Variants in NIBAN2 observed in about 807,000 individuals in gnomAD.
The protein encoded by NIBAN2 is protein Niban 2.
NIBAN2 carries 36 observed loss-of-function variants against 81.8 expected under a neutral mutation model. That is an observed-to-expected ratio of 0.44 (90% CI 0.34 to 0.58). The LOEUF (loss-of-function observed/expected upper bound fraction) is 0.58. NIBAN2 is among the 20% of genes least tolerant of loss of function. NIBAN2 has a pLI of 0.02. For missense variants in NIBAN2, 897 were observed against 1,014.1 expected, an observed-to-expected ratio of 0.88 and a Z score of 1.57; for synonymous variants, 445 against 441.6, an observed-to-expected ratio of 1.01 and a Z score of -0.10.
chr9:127,567,339 T>G (rs2132241475), intron 1 of NIBAN2, among the ~76,000 whole-genome samples: 1 of 152,328 alleles, frequency 6.6e-6, no homozygotes, highest in South Asian at 2.1e-4. Flanking sequence ...GACTCCGCCC[T>G]GGCCCTTCCT....
rs1226099735 is a variant in NIBAN2, at chr9:127,506,560, G to T, written c.*285C>A. 6.0e-6 allele frequency: 2 copies of T among 335,174 alleles called. No homozygotes were observed. 20.8% of individuals were successfully genotyped at this position (335,174 alleles called of 1,614,324 possible). On this transcript the variant is annotated 3_prime_UTR_variant, in exon 14 of 14. Transcript: ENST00000373312. ...GCCACAGAAGGACAGGAAGGGAGGG[G>T]CTTTCCAGCCCCCCAGCAGTGTCCA...
chr9:127,558,045 C>CT (rs1468146377), intron 1 of NIBAN2, among the ~76,000 whole-genome samples: 2 of 143,784 alleles, frequency 1.4e-5, no homozygotes, highest in African/African-American at 5.2e-5. Flanking sequence ...GAAAGGGCTG[C>CT]CCCTTCCCCC....
intron 8 of NIBAN2, among the ~76,000 whole-genome samples, chr9:127,515,004 C>G (rs1836798686): frequency 6.6e-6 from 1 of 152,016 alleles, no homozygotes; most frequent in South Asian, 2.1e-4. Context: ...TTCTCTCTCT[C>G]TCTTTCAAAA....
At chr9:127,528,216 A>C (rs906831263) in intron 2 of NIBAN2, among the ~76,000 whole-genome samples, 3 of 152,034 alleles carry the variant, frequency 2.0e-5, no homozygotes, top group Admixed American at 2.0e-4. Context: ...GAGAAGGGAG[A>C]TCTTTAAACT....
Position 127,508,938 on chromosome 9 carries a change from G to T in NIBAN2, c.1317+38C>A. ...GCGAGGGGGCCTGTGGAAGGCAGTG[G>T]ACAGGGTGTGGGGTGGGGGTCGTAG... On this transcript the variant is annotated intron_variant, in intron 10 of 13. Coordinates refer to ENST00000373312, the MANE Select transcript of NIBAN2 (RefSeq NM_022833.4). The surrounding 1 kb of genome is among the most constrained non-coding windows in gnomAD (Gnocchi z 6.4). 1 of 1,611,888 alleles carries T rather than the reference G, an allele frequency of 6.2e-7. No individual in the cohort carries two copies. The highest frequency in any genetic ancestry group is 1.1e-5 in the South Asian group (1 of 90,972).
At chr9:127,576,825 C>A (rs1452818899) in intron 1 of NIBAN2, among the ~76,000 whole-genome samples, 4 of 151,102 alleles carry the variant, frequency 2.6e-5, no homozygotes, top group African/African-American at 9.7e-5. Flanking sequence ...CTTACTGCAA[C>A]CTCAGCCTCC....
chr9:127,510,169 C>A lies in NIBAN2; in HGVS notation c.1138G>T (p.Gly380Cys). The A allele has an allele frequency of 6.2e-7, 1 of 1,613,114 alleles. No individual in the cohort carries two copies. The highest frequency in any genetic ancestry group is 1.1e-5 in the South Asian group (1 of 90,992). The stretch of plus-strand genomic sequence containing the variant: ...ACCTCGCCCAGCTTGTCAATGCCGC[C>A]CTCGTTGATGACGTTCAGGTTCATG... ...TDMNLNVINE[G>C]GIDKLGEYME... The change falls in exon 9 of 14, where the codon GGC (glycine) becomes TGC (cysteine). Residue 380 changes from glycine to cysteine, a missense_variant. Coordinates refer to ENST00000373312, the MANE Select transcript of NIBAN2 (RefSeq NM_022833.4).
At chr9:127,576,141 GA>G (rs1838006512) in intron 1 of NIBAN2, among the ~76,000 whole-genome samples, 1 of 152,206 alleles carries the variant, frequency 6.6e-6, no homozygotes, top group Admixed American at 6.5e-5. Context: ...GAGCACGTAT[GA>G]TGTGCAGAAC....
chr9:127,563,311 C>T lies in NIBAN2; in HGVS notation c.55+5509G>A, dbSNP rs1019936515. The stretch of plus-strand genomic sequence containing the variant: ...ATAAGACCCAACAGAGAGACAGCAT[C>T]ATCCCCAGACACTTCGCCCCCAGGG... On this transcript the variant is annotated intron_variant, in intron 1 of 13. Coordinates refer to ENST00000373312, the MANE Select transcript of NIBAN2 (RefSeq NM_022833.4). The surrounding 1 kb of genome is among the most constrained non-coding windows in gnomAD (Gnocchi z 4.1). Among the ~76,000 whole-genome samples, 1 of 152,236 alleles carries T rather than the reference C, an allele frequency of 6.6e-6. No individual in the cohort carries two copies. Among genetic ancestry groups the T allele is most frequent in the Non-Finnish European group, 1.5e-5 (1 of 68,042 alleles).
At chr9:127,525,310 T>C (rs1453872459) in intron 3 of NIBAN2, 147 bp from the exon 4 acceptor site, 2 of 617,660 alleles carry the variant, frequency 3.2e-6, no homozygotes, top group Non-Finnish European at 2.9e-6. Context: ...GAGGGGAGAA[T>C]GTCACTATCA....
intron 3 of NIBAN2, among the ~76,000 whole-genome samples, chr9:127,525,477 T>C (rs1837046006): frequency 1.3e-5 from 2 of 152,140 alleles, no homozygotes; most frequent in Non-Finnish European, 2.9e-5. Flanking sequence ...GAATCAAGAA[T>C]ATTCAGGATG....
At chr9:127,567,765 G>A (rs992002864) in intron 1 of NIBAN2, among the ~76,000 whole-genome samples, 1 of 152,184 alleles carries the variant, frequency 6.6e-6, no homozygotes, top group Non-Finnish European at 1.5e-5. Flanking sequence ...ACATACAAGT[G>A]CCTCTCCTAT....
chr9:127,564,625 A>C (rs1213883543), intron 1 of NIBAN2, among the ~76,000 whole-genome samples: 4 of 152,070 alleles, frequency 2.6e-5, no homozygotes, highest in Non-Finnish European at 5.9e-5. Flanking sequence ...GTAATCCCAG[A>C]ACTTTGGGAG....
chr9:127,568,561 G>A (rs997483366), intron 1 of NIBAN2, among the ~76,000 whole-genome samples: 2 of 151,956 alleles, frequency 1.3e-5, no homozygotes, highest in Non-Finnish European at 2.9e-5. Flanking sequence ...CCAAGCCCGG[G>A]CTCCGAAGGG....
intron 1 of NIBAN2, among the ~76,000 whole-genome samples, chr9:127,544,726 A>G (rs570392092): frequency 6.6e-6 from 1 of 152,286 alleles, no homozygotes; most frequent in South Asian, 2.1e-4. Flanking sequence ...CTGGTCTCGA[A>G]TTCCTGACCT....
chr9:127,565,373 G>A (rs899822663), intron 1 of NIBAN2, among the ~76,000 whole-genome samples: 5 of 152,218 alleles, frequency 3.3e-5, no homozygotes, highest in African/African-American at 1.2e-4. Flanking sequence ...TTCTTTCCGG[G>A]CTGATGAAAA....
At chr9:127,561,344 G>A (rs528549892) in intron 1 of NIBAN2, 1 of 938,164 alleles carries the variant, frequency 1.1e-6, no homozygotes, top group South Asian at 4.9e-5. Flanking sequence ...CGAGGCCACA[G>A]ACAGACCAGA....
Position 127,558,691 on chromosome 9 carries a change from C to T in NIBAN2, c.55+10129G>A, listed in dbSNP as rs553981317. ...AAACTCAGCTCTCTTTTCTACCCTT[C>T]GCCTCCCAGAGAATACTGCTCTCAA... is the stretch of plus-strand genomic sequence containing the variant. On this transcript the variant is annotated intron_variant, in intron 1 of 13. Coordinates refer to ENST00000373312, the MANE Select transcript of NIBAN2 (RefSeq NM_022833.4). Among the ~76,000 whole-genome samples the T allele has an allele frequency of 3.3e-5, 5 of 152,240 alleles. No individual in the cohort carries two copies. The East Asian group carries it at 5.8e-4, about 18-fold the overall frequency.
chr9:127,563,456 GCA>G lies in NIBAN2; in HGVS notation c.55+5362_55+5363del, dbSNP rs1837807312. On this transcript the variant is annotated intron_variant, in intron 1 of 13. Coordinates refer to ENST00000373312, the MANE Select transcript of NIBAN2 (RefSeq NM_022833.4). The surrounding 1 kb of genome is among the most constrained non-coding windows in gnomAD (Gnocchi z 4.1). ...AAGCCACACAGCAGGGTGAGGGGTGGCAGAAGGTGGAACCCCTCCATCCCTTC... is the reference window on the plus strand; with the variant it reads ...AAGCCACACAGCAGGGTGAGGGGTGGGAAGGTGGAACCCCTCCATCCCTTC... 6.6e-6 allele frequency among the ~76,000 whole-genome samples: 1 copy of G among 152,200 alleles called. No homozygotes were observed. The highest frequency in any genetic ancestry group is 2.1e-4 in the South Asian group (1 of 4,836).
Sources: gnomAD v4.1 joint callset for allele counts (sites outside exome capture counted in the v4.1 genomes callset) on GRCh38, gnomAD v4.1.1 for gene constraint, Gnocchi (gnomAD v3.1) non-coding constraint, MANE v1.5 for transcripts, NCBI Gene and HGNC (gene_info 2026-07-23, HGNC 2026-07-21) for gene names.